CSMD3: variants seen among roughly 807,000 people sequenced by gnomAD.
CSMD3 encodes the protein CUB and sushi domain-containing protein 3.
In CSMD3, 177 loss-of-function variants were observed where a neutral mutation model predicts 435.2. The ratio of observed to expected loss-of-function variants is 0.41; its 90% CI spans 0.36 to 0.46. The LOEUF is 0.46. Ranked by LOEUF, CSMD3 falls within the 20% of genes least tolerant of loss-of-function variation. CSMD3 has a pLI of 0.34. For missense variants in CSMD3, 4,265 were observed against 4,504.6 expected (o/e 0.95, Z 1.52); for synonymous variants, 1,656 against 1,520.5 (o/e 1.09, Z -2.07).
intron 1 of CSMD3, among the ~76,000 whole-genome samples, chr8:113,431,868 T>C (rs999414440): frequency 1.3e-5 from 2 of 152,214 alleles, no homozygotes; most frequent in Non-Finnish European, 2.9e-5. Context: ...TTCACTGTTT[T>C]GTAGACACCA....
chr8:112,317,402 GA>G (rs1719728030), intron 47 of CSMD3, among the ~76,000 whole-genome samples: 1 of 152,000 alleles, frequency 6.6e-6, no homozygotes, highest in African/African-American at 2.4e-5. Flanking sequence ...TTGGAGTCAA[GA>G]CAGAAATGCT....
intron 32 of CSMD3, among the ~76,000 whole-genome samples, chr8:112,451,220 T>C (rs1422148974): frequency 1.3e-5 from 2 of 152,164 alleles, no homozygotes; most frequent in South Asian, 2.1e-4. Context: ...GCACAAAGGT[T>C]AACAGTAGTT....
chr8:112,470,495 G>C (rs1359479339), intron 32 of CSMD3, among the ~76,000 whole-genome samples: 1 of 152,048 alleles, frequency 6.6e-6, no homozygotes, highest in East Asian at 1.9e-4. Flanking sequence ...TAGGGTTCAG[G>C]CTGACAATGG....
At chr8:112,923,941 C>A (rs1207213647) in intron 9 of CSMD3, among the ~76,000 whole-genome samples, 1 of 152,088 alleles carries the variant, frequency 6.6e-6, no homozygotes, top group East Asian at 1.9e-4. Context: ...TAATCCATGG[C>A]ACCCACTATT....
In CSMD3 at chr8:113,127,325, A is replaced by C. The variant is rs527831220; in HGVS notation, c.710-28362T>G. 9.2e-5 allele frequency among the ~76,000 whole-genome samples: 14 copies of C among 152,222 alleles called. No homozygotes were observed. In the East Asian group the frequency reaches 2.7e-3, roughly 29 times the overall value. On this transcript the variant is annotated intron_variant, in intron 4 of 70. Coordinates refer to ENST00000297405, the MANE Select transcript of CSMD3 (RefSeq NM_198123.2). The stretch of plus-strand genomic sequence containing the variant: ...TTTCAAACTTGGTATCAACAAAATA[A>C]GGTCATAATTTTCTTCCACATTCAC...
chr8:112,678,066 G>T (rs990365987), intron 16 of CSMD3, among the ~76,000 whole-genome samples: 3 of 152,136 alleles, frequency 2.0e-5, no homozygotes, highest in African/African-American at 7.2e-5. Context: ...TGTATAAAAA[G>T]TGGGAAAATA....
At chr8:112,603,098 G>A (rs1190148171) in intron 22 of CSMD3, among the ~76,000 whole-genome samples, 10 of 152,118 alleles carry the variant, frequency 6.6e-5, no homozygotes, top group South Asian at 2.1e-4. Flanking sequence ...GGCTGGTCTC[G>A]AACTCCTGGC....
intron 1 of CSMD3, among the ~76,000 whole-genome samples, chr8:113,361,302 A>G (rs1468505463): frequency 6.6e-6 from 1 of 152,208 alleles, no homozygotes; most frequent in Non-Finnish European, 1.5e-5. Context: ...TAAGAGAAAA[A>G]GGCTTGTACC....
At chr8:112,779,965 TTC>T (rs1349602742) in intron 13 of CSMD3, among the ~76,000 whole-genome samples, 3 of 152,092 alleles carry the variant, frequency 2.0e-5, no homozygotes, top group African/African-American at 4.8e-5. Context: ...TCACTAATGT[TTC>T]TTCCACTTGA....
At chr8:112,251,383 C>T (rs1815247289) in intron 63 of CSMD3, among the ~76,000 whole-genome samples, 1 of 151,610 alleles carries the variant, frequency 6.6e-6, no homozygotes, top group African/African-American at 2.4e-5. Context: ...AACAGATGTG[C>T]TTCAGATGCA....
chr8:112,455,278 T>C (rs2130631962), intron 32 of CSMD3, among the ~76,000 whole-genome samples: 1 of 151,976 alleles, frequency 6.6e-6, no homozygotes, highest in African/African-American at 2.4e-5. Flanking sequence ...GGAAATCATG[T>C]CCTTTGAAGC....
intron 5 of CSMD3, among the ~76,000 whole-genome samples, chr8:113,028,045 G>T (rs563125914): frequency 6.6e-6 from 1 of 152,140 alleles, no homozygotes; most frequent in South Asian, 2.1e-4. Context: ...TGTTGCTGTT[G>T]TTTTACAAAC....
At chr8:112,325,769 G>A (rs910759201) in intron 45 of CSMD3, among the ~76,000 whole-genome samples, 4 of 151,950 alleles carry the variant, frequency 2.6e-5, no homozygotes. Flanking sequence ...CTTTGGGTTC[G>A]AATCTTATTT....
intron 6 of CSMD3, among the ~76,000 whole-genome samples, chr8:112,978,088 G>T (rs949098192): frequency 3.3e-5 from 5 of 151,870 alleles, no homozygotes; most frequent in South Asian, 2.1e-4. Flanking sequence ...ACAGGAATAT[G>T]AAATCAGAGT....
intron 13 of CSMD3, among the ~76,000 whole-genome samples, chr8:112,780,187 C>T (rs534516091): frequency 3.3e-5 from 5 of 152,014 alleles, no homozygotes; most frequent in South Asian, 2.1e-4. Flanking sequence ...TATACCCTGG[C>T]GCCATGTAGA....
chr8:112,268,155 T>C (rs539475022), intron 59 of CSMD3, among the ~76,000 whole-genome samples: 4 of 152,294 alleles, frequency 2.6e-5, no homozygotes, highest in African/African-American at 9.6e-5. Flanking sequence ...TATGCTATTT[T>C]CTTAAGAGTC....
At chr8:113,374,865 A>G (rs190209030) in intron 1 of CSMD3, among the ~76,000 whole-genome samples, 37 of 148,174 alleles carry the variant, frequency 2.5e-4, no homozygotes, top group Non-Finnish European at 4.6e-4. Context: ...AATGAACACC[A>G]TAATACCATG....
chr8:112,762,376 T>C (rs1182864858), intron 13 of CSMD3, among the ~76,000 whole-genome samples: 1 of 151,992 alleles, frequency 6.6e-6, no homozygotes. Flanking sequence ...GCAGCTGTTC[T>C]GTCCATAGCA....
rs557675246 is a variant in CSMD3, at chr8:113,299,968, G to A, written c.401+14603C>T. ...CATCACGCCACTGCACTCCAGTCTG[G>A]GTGACAGAGCAAGCCTCCATCTCAA... On this transcript the variant is annotated intron_variant, in intron 2 of 70. Coordinates refer to ENST00000297405, the MANE Select transcript of CSMD3 (RefSeq NM_198123.2). Among the ~76,000 whole-genome samples the A allele has an allele frequency of 2.3e-4, 35 of 151,612 alleles. 1 individual carries two copies. The South Asian group carries it at 7.1e-3, about 31-fold the overall frequency.
Sources: gnomAD v4.1 joint callset for allele counts (sites outside exome capture counted in the v4.1 genomes callset) on GRCh38, gnomAD v4.1.1 for gene constraint, MANE v1.5 for transcripts, NCBI Gene and HGNC (gene_info 2026-07-23, HGNC 2026-07-21) for gene names.